The following KIF1C variants were observed in gnomAD, a reference collection of about 807,000 sequenced individuals.
KIF1C encodes kinesin family member 1C.
Under a neutral mutation model 126.5 loss-of-function variants are expected in KIF1C, and 61 were observed. That is an observed-to-expected ratio of 0.48 (90% CI 0.39 to 0.60). The LOEUF is 0.60. KIF1C is among the 20% of genes least tolerant of loss of function. The pLI is 0.00. For missense variants in KIF1C, 1,315 were observed against 1,489.2 expected (o/e 0.88, Z 1.93); for synonymous variants, 640 against 580.6 (o/e 1.10, Z -1.47).
Position 5,027,299 on chromosome 17 carries a change from T to G in KIF1C, c.*3148T>G, listed in dbSNP as rs997043637. ...GCCCACAACCGCACCCGGCTAATTT[T>G]TTGTATCTTTAGTAGAGACAGGGTT... On this transcript the variant is annotated 3_prime_UTR_variant, in exon 23 of 23. Transcript: ENST00000320785. 2.0e-5 allele frequency: 3 copies of G among 152,202 alleles called. No individual in the cohort carries two copies. Among genetic ancestry groups the G allele is most frequent in the African/African-American group, 7.2e-5 (3 of 41,454 alleles). The allele number at this position is 152,202 out of a possible 1,614,324, so 9.4% of individuals were successfully genotyped here.
In KIF1C at chr17:5,022,089, C is replaced by A. The variant is rs754307750; in HGVS notation, c.2011-3C>A. ...CTCTTCCTCTTTCTTTCTCTGGCCC[C>A]AGTATGCAGACTCGGACAGCGGGGA... is the stretch of plus-strand genomic sequence containing the variant. On this transcript the variant is annotated splice_polypyrimidine_tract_variant and splice_region_variant and intron_variant, in intron 21 of 22. Coordinates refer to ENST00000320785, the MANE Select transcript of KIF1C (RefSeq NM_006612.6). This position sits in a 1 kb window ranked among gnomAD's most constrained non-coding sequence, Gnocchi z 4.9. The A allele has an allele frequency of 3.8e-6, 6 of 1,594,140 alleles. 1 individual carries two copies. The South Asian group carries it at 6.7e-5, about 18-fold the overall frequency.
chr17:5,000,367 G>T lies in KIF1C; in HGVS notation c.106+15G>T, dbSNP rs769051933. 5.3e-5 allele frequency: 81 copies of T among 1,537,464 alleles called. No individual in the cohort carries two copies. Among genetic ancestry groups the T allele is most frequent in the Non-Finnish European group, 6.9e-5 (78 of 1,132,060 alleles). ...CAACACCACCTGTGAGTGAGTCCCC[G>T]GGGCCTGGCTGGGCACAGGCAGGGA... On this transcript the variant is annotated intron_variant, in intron 3 of 22. Transcript: ENST00000320785.
chr17:5,024,076 C>G lies in KIF1C; in HGVS notation c.3237C>G (p.Pro1079=), dbSNP rs775314942. ...PAQRPPGPRY[P]PYTTPPRMRR... Reference sequence around the variant, plus strand: ...AGCGGCCCCCAGGGCCCCGCTACCCCCCATACACTACTCCCCCACGAATGA... The same window carrying G: ...AGCGGCCCCCAGGGCCCCGCTACCCGCCATACACTACTCCCCCACGAATGA... The change falls in exon 23 of 23, where the codon CCC becomes CCG. Residue 1079 remains proline, a synonymous_variant. Transcript: ENST00000320785. The G allele has an allele frequency of 3.1e-6, 5 of 1,606,020 alleles. No individual in the cohort carries two copies. The South Asian group carries it at 3.3e-5, about 11-fold the overall frequency.
rs1314947427 is a variant in KIF1C, at chr17:5,022,621, T to C, written c.2540T>C (p.Val847Ala). The C allele has an allele frequency of 6.2e-7, 1 of 1,606,594 alleles. No individual in the cohort carries two copies. Among genetic ancestry groups the C allele is most frequent in the Admixed American group, 1.7e-5 (1 of 59,298 alleles). Reference protein sequence around the residue: ...IDKLTGILQEVKLQNSSKDRE... With the variant: ...IDKLTGILQEAKLQNSSKDRE... ...AAGCTGACGGGGATTCTGCAGGAGG[T>C]GAAGCTGCAGAACAGCAGCAAGGAC... Residue 847 changes from valine to alanine, a missense_variant, in exon 22 of 23, where the codon GTG (valine) becomes GCG (alanine). By Grantham distance (64) the Val-to-Ala change is moderately conservative. This residue lies in a region of KIF1C where 441 missense variants were observed against 436.1 expected (regional missense o/e 1.01). Transcript: ENST00000320785. This position sits in a 1 kb window ranked among gnomAD's most constrained non-coding sequence, Gnocchi z 4.9.
chr17:5,006,313 G>A (rs1338779897), intron 13 of KIF1C, among the ~76,000 whole-genome samples: 1 of 151,566 alleles, frequency 6.6e-6, no homozygotes, highest in African/African-American at 2.4e-5. Flanking sequence ...GGGATTATAG[G>A]TATGAGCCAC....
intron 16 of KIF1C, among the ~76,000 whole-genome samples, chr17:5,008,658 T>C (rs1974790349): frequency 6.6e-6 from 1 of 152,218 alleles, no homozygotes; most frequent in Non-Finnish European, 1.5e-5. Flanking sequence ...GGGTTTTGCC[T>C]TGCCTGGCCC....
chr17:5,017,037 T>C lies in KIF1C; in HGVS notation c.1666+2200T>C, dbSNP rs553928948. 3.3e-5 allele frequency among the ~76,000 whole-genome samples: 5 copies of C among 152,300 alleles called. No homozygotes were observed. In the East Asian group the frequency reaches 9.6e-4, roughly 29 times the overall value. ...TCCGGCATTTTGGGTTGAAAGCTGT[T>C]GAATCAGTTCAGCCCAGTGAGTTAT... On this transcript the variant is annotated intron_variant, in intron 18 of 22. Transcript: ENST00000320785.
intron 4 of KIF1C, 64 bp from the exon 5 acceptor site, chr17:5,001,158 A>G (rs948489783): frequency 1.2e-5 from 18 of 1,522,360 alleles, no homozygotes; most frequent in African/African-American, 1.1e-4. Flanking sequence ...CTCTTGGGAC[A>G]GAGACACAAA....
At chr17:5,019,835 C>T (rs1975050600) in intron 18 of KIF1C, 161 bp from the exon 19 acceptor site, 1 of 628,982 alleles carries the variant, frequency 1.6e-6, no homozygotes, top group Non-Finnish European at 2.9e-6. Flanking sequence ...CTTTCCCGTG[C>T]TGCCTGCCAC....
intron 18 of KIF1C, among the ~76,000 whole-genome samples, chr17:5,016,903 CAAA>C (rs550926473): frequency 5.9e-5 from 5 of 84,928 alleles, no homozygotes; most frequent in Admixed American, 1.3e-4. Context: ...GAGACTGTTT[CAAA>C]AAAAAAAAAA....
chr17:5,023,856 C>G lies in KIF1C; in HGVS notation c.3017C>G (p.Pro1006Arg). 1 of 1,527,114 alleles carries G rather than the reference C, an allele frequency of 6.5e-7. No homozygotes were observed. Among genetic ancestry groups the G allele is most frequent in the Non-Finnish European group, 8.8e-7 (1 of 1,137,616 alleles). The allele number at this position is 1,527,114 out of a possible 1,614,324, so 94.6% of individuals were successfully genotyped here. Reference protein sequence around the residue: ...SGEAPTPLQPPEEVTPHPATP... With the variant: ...SGEAPTPLQPREEVTPHPATP... ...GAGGCTCCAACTCCGCTCCAACCCC[C>G]TGAGGAGGTCACTCCCCATCCAGCC... The change falls in exon 23 of 23, where the codon CCT becomes CGT. Residue 1006 changes from proline to arginine, a missense_variant. This residue lies in a region of KIF1C where 441 missense variants were observed against 436.1 expected (regional missense o/e 1.01). Coordinates refer to ENST00000320785, the MANE Select transcript of KIF1C (RefSeq NM_006612.6). This position sits in a 1 kb window ranked among gnomAD's most constrained non-coding sequence, Gnocchi z 4.2.
chr17:5,013,568 G>A (rs1161413015), intron 16 of KIF1C, 85 bp from the exon 17 acceptor site: 13 of 919,278 alleles, frequency 1.4e-5, no homozygotes, highest in Non-Finnish European at 2.1e-5. Flanking sequence ...AGGACTGGAG[G>A]GGTGTCTCCT....
chr17:5,008,627 C>G (rs1020718813), intron 16 of KIF1C, among the ~76,000 whole-genome samples: 1 of 152,188 alleles, frequency 6.6e-6, no homozygotes, highest in African/African-American at 2.4e-5. Flanking sequence ...TCACTGAACC[C>G]CTGTTCTGAA....
intron 13 of KIF1C, among the ~76,000 whole-genome samples, chr17:5,006,348 T>A (rs1215500061): frequency 1.3e-5 from 2 of 150,912 alleles, no homozygotes; most frequent in Non-Finnish European, 2.9e-5. Context: ...CTAAGAATTT[T>A]CTCTTTTTGA....
chr17:5,022,668 G>C lies in KIF1C; in HGVS notation c.2587G>C (p.Asp863His). 1 of 1,587,462 alleles carries C rather than the reference G, an allele frequency of 6.3e-7. No homozygotes were observed. The highest frequency in any genetic ancestry group is 8.6e-7 in the Non-Finnish European group (1 of 1,166,514). The stretch of plus-strand genomic sequence containing the variant: ...GGACCGGGAGCTGCAGGCCCTGCGG[G>C]ACCGCATGCTCCGCATGGAGAGGGT... ...SKDRELQALR[D>H]RMLRMERVIP... Residue 863 changes from aspartate (D) to histidine (H), a missense_variant, in exon 22 of 23, where the codon GAC becomes CAC. Asp to His is a moderately conservative substitution (Grantham distance 81, BLOSUM62 -1). This residue lies in a region of KIF1C where 441 missense variants were observed against 436.1 expected (regional missense o/e 1.01). Coordinates refer to ENST00000320785, the MANE Select transcript of KIF1C (RefSeq NM_006612.6). The surrounding 1 kb of genome is among the most constrained non-coding windows in gnomAD (Gnocchi z 4.9).
intron 18 of KIF1C, among the ~76,000 whole-genome samples, chr17:5,017,309 T>G (rs1326275491): frequency 1.4e-5 from 2 of 145,006 alleles, no homozygotes; most frequent in African/African-American, 5.2e-5. Flanking sequence ...TTTTTTTTTT[T>G]TTTTTTTTGA....
chr17:5,010,604 G>A lies in KIF1C; in HGVS notation c.1492-3049G>A, dbSNP rs532704963. Among the ~76,000 whole-genome samples the A allele has an allele frequency of 9.9e-5, 15 of 151,680 alleles. No individual in the cohort carries two copies. The East Asian group carries it at 2.0e-3, about 20-fold the overall frequency. On this transcript the variant is annotated intron_variant, in intron 16 of 22. Transcript: ENST00000320785. ...TCTACTAAAATAGAAAAAATTAGCC[G>A]GGCGTGGTGGCGGGCACCTGTAGTC...
At chr17:5,000,878 G>A (rs1455394691) in intron 4 of KIF1C, 30 bp downstream of exon 4, 4 of 1,598,348 alleles carry the variant, frequency 2.5e-6, no homozygotes, top group Non-Finnish European at 3.4e-6. Flanking sequence ...GAAGAGCAAG[G>A]CAGTGAGAGA....
rs752061006 is a variant in KIF1C, at chr17:5,004,952, C to T, written c.1117C>T (p.Leu373=). 2 of 1,614,224 alleles carry T rather than the reference C, an allele frequency of 1.2e-6. No individual in the cohort carries two copies. Among genetic ancestry groups the T allele is most frequent in the Non-Finnish European group, 1.7e-6 (2 of 1,180,036 alleles). ...IRELQEEVAR[L]RELLMAQGLS... Reference sequence around the variant, plus strand: ...AGAGCTGCAGGAGGAAGTAGCCCGGCTGCGGGAACTGCTGATGGCTCAGGG... The same window carrying T: ...AGAGCTGCAGGAGGAAGTAGCCCGGTTGCGGGAACTGCTGATGGCTCAGGG... The change falls in exon 13 of 23, where the codon CTG becomes TTG. Residue 373 remains leucine (L), a synonymous_variant. Coordinates refer to ENST00000320785, the MANE Select transcript of KIF1C (RefSeq NM_006612.6).
Sources: gnomAD v4.1 joint callset for allele counts (sites outside exome capture counted in the v4.1 genomes callset) on GRCh38, gnomAD v4.1.1 for gene constraint, gnomAD v4.1.1 regional missense constraint, Gnocchi (gnomAD v3.1) non-coding constraint, MANE v1.5 for transcripts, NCBI Gene and HGNC (gene_info 2026-07-23, HGNC 2026-07-21) for gene names.